CNTN1: variants seen among roughly 807,000 people sequenced by gnomAD.
CNTN1 encodes the protein contactin-1.
In CNTN1, 38 loss-of-function variants were observed where a neutral mutation model predicts 126.4. The observed-to-expected ratio is 0.30, with a 90% CI of 0.23 to 0.39. The LOEUF is 0.39. Among genes scored for constraint, CNTN1 ranks in the 10% least tolerant of loss-of-function variants. CNTN1 has a pLI of 1.00. For synonymous variants in CNTN1, 413 were observed against 422.6 expected, an observed-to-expected ratio of 0.98 and a Z score of 0.28; for missense variants, 1,009 against 1,248.4, an observed-to-expected ratio of 0.81 and a Z score of 2.89.
chr12:40,872,175 C>T (rs1425355107), intron 1 of CNTN1, among the ~76,000 whole-genome samples: 3 of 149,304 alleles, frequency 2.0e-5, no homozygotes, highest in Non-Finnish European at 4.4e-5. Flanking sequence ...AGACCTTGAG[C>T]TTAAGAGATT....
At chr12:41,037,212 A>G (rs1403649163) in intron 23 of CNTN1, among the ~76,000 whole-genome samples, 1 of 152,192 alleles carries the variant, frequency 6.6e-6, no homozygotes, top group Non-Finnish European at 1.5e-5. Flanking sequence ...AATTCTGATT[A>G]TAAAAGTTCC....
chr12:40,759,582 G>A (rs1406656097), intron 1 of CNTN1, among the ~76,000 whole-genome samples: 2 of 151,232 alleles, frequency 1.3e-5, no homozygotes, highest in Admixed American at 6.6e-5. Flanking sequence ...CCTCCCACCT[G>A]AGCATCCCAA....
intron 1 of CNTN1, among the ~76,000 whole-genome samples, chr12:40,848,320 C>T (rs903871335): frequency 6.6e-6 from 1 of 152,098 alleles, no homozygotes; most frequent in African/African-American, 2.4e-5. Context: ...GTCAAAATTC[C>T]TATAGTGTTT....
chr12:41,028,121 T>C, intron 22 of CNTN1, 152 bp downstream of exon 22: 1 of 640,210 alleles, frequency 1.6e-6, no homozygotes, highest in Non-Finnish European at 2.8e-6. Flanking sequence ...AGCCTCCACT[T>C]CCTGGGTTCA....
At chr12:40,909,162 G>A (rs932650365) in intron 2 of CNTN1, among the ~76,000 whole-genome samples, 1 of 152,100 alleles carries the variant, frequency 6.6e-6, no homozygotes. Context: ...TCTACAGTGT[G>A]TGTAGGGACA....
At chr12:41,016,530 G>A (rs2064583936) in intron 18 of CNTN1, 152 bp from the exon 19 acceptor site, 3 of 657,828 alleles carry the variant, frequency 4.6e-6, no homozygotes, top group East Asian at 2.7e-5. Context: ...GTTTAAGTAT[G>A]TTTTTCCTCT....
Position 40,944,021 on chromosome 12 carries a change from A to G in CNTN1, c.1534A>G (p.Ile512Val). ...TCCTACGCGAATTATATTGGCCCCA[A>G]TTAATGCCGATATCACAGTTGGAGA... ...TDPTRIILAP[I>V]NADITVGENA... The change falls in exon 14 of 24, where the codon ATT becomes GTT. Residue 512 changes from isoleucine (I) to valine (V), a missense_variant. Ile to Val is a conservative substitution (Grantham distance 29). Coordinates refer to ENST00000551295, the MANE Select transcript of CNTN1 (RefSeq NM_001843.4). 6.2e-7 allele frequency: 1 copy of G among 1,613,550 alleles called. No homozygotes were observed. The highest frequency in any genetic ancestry group is 8.5e-7 in the Non-Finnish European group (1 of 1,179,612).
chr12:40,696,670 G>A (rs1941459450), intron 1 of CNTN1, among the ~76,000 whole-genome samples: 1 of 152,178 alleles, frequency 6.6e-6, no homozygotes, highest in Non-Finnish European at 1.5e-5. Context: ...TGTAGCAGCA[G>A]GAGGATGGGG....
At chr12:41,053,380 T>G (rs1470955360) in intron 23 of CNTN1, among the ~76,000 whole-genome samples, 7 of 137,902 alleles carry the variant, frequency 5.1e-5, no homozygotes, top group African/African-American at 1.9e-4. Flanking sequence ...GAAAAAGTAG[T>G]TCACAGACAA....
intron 1 of CNTN1, among the ~76,000 whole-genome samples, chr12:40,794,115 A>G (rs1188192298): frequency 1.3e-5 from 2 of 152,094 alleles, no homozygotes; most frequent in Admixed American, 6.6e-5. Flanking sequence ...TAACCCTATC[A>G]TTGTACAATG....
intron 1 of CNTN1, among the ~76,000 whole-genome samples, chr12:40,715,524 A>G (rs1942027623): frequency 6.6e-6 from 1 of 152,182 alleles, no homozygotes. Context: ...TTAAAAAACA[A>G]CTAAATAGTC....
intron 23 of CNTN1, among the ~76,000 whole-genome samples, chr12:41,050,860 T>C (rs151243218): frequency 5.1e-4 from 77 of 152,276 alleles, no homozygotes; most frequent in Admixed American, 2.6e-3. Flanking sequence ...TTACATATTA[T>C]TTTTCCAAGT....
rs150012918 is a variant in CNTN1, at chr12:40,776,612, C to A, written c.-77+84020C>A. Among the ~76,000 whole-genome samples, 421 of 151,798 alleles carry A rather than the reference C, an allele frequency of 2.8e-3. 2 individuals carry two copies. Among genetic ancestry groups the A allele is most frequent in the African/African-American group, 9.0e-3 (373 of 41,492 alleles). Reference sequence around the variant, plus strand: ...AAACAAACAGGAAACAAACAAAAATCTTTCTCTATCCCTACTTCCTTCTTT... The same window carrying A: ...AAACAAACAGGAAACAAACAAAAATATTTCTCTATCCCTACTTCCTTCTTT... On this transcript the variant is annotated intron_variant, in intron 1 of 23. Coordinates refer to ENST00000551295, the MANE Select transcript of CNTN1 (RefSeq NM_001843.4).
chr12:40,708,754 G>A (rs1408675242), intron 1 of CNTN1, among the ~76,000 whole-genome samples: 1 of 152,192 alleles, frequency 6.6e-6, no homozygotes, highest in African/African-American at 2.4e-5. Context: ...GCATCTTCAA[G>A]AGGAGGAGAT....
intron 1 of CNTN1, among the ~76,000 whole-genome samples, chr12:40,704,787 A>T (rs1941696363): frequency 6.6e-6 from 1 of 152,306 alleles, no homozygotes; most frequent in African/African-American, 2.4e-5. Flanking sequence ...ATAAAATGCT[A>T]TTCCCTGGAA....
At chr12:41,069,864 G>A in intron 23 of CNTN1, 95 bp from the exon 24 acceptor site, 1 of 942,508 alleles carries the variant, frequency 1.1e-6, no homozygotes, top group South Asian at 1.3e-5. Flanking sequence ...TTGTTTTCCA[G>A]GGCTATGCAA....
At chr12:40,790,913 G>A (rs1378581609) in intron 1 of CNTN1, among the ~76,000 whole-genome samples, 1 of 152,070 alleles carries the variant, frequency 6.6e-6, no homozygotes, top group Admixed American at 6.6e-5. Context: ...TAAGGTCTGG[G>A]CTTTTATTCT....
At chr12:40,850,911 GTGTT>G (rs971577508) in intron 1 of CNTN1, among the ~76,000 whole-genome samples, 33 of 152,154 alleles carry the variant, frequency 2.2e-4, no homozygotes, top group African/African-American at 7.7e-4. Flanking sequence ...GGCATAAATG[GTGTT>G]TGTTTGGCAT....
chr12:40,868,670 G>T (rs1179853574), intron 1 of CNTN1, among the ~76,000 whole-genome samples: 1 of 151,944 alleles, frequency 6.6e-6, no homozygotes, highest in East Asian at 1.9e-4. Flanking sequence ...GCTCCCTCTG[G>T]GTGATAGGTT....
Sources: gnomAD v4.1 joint callset for allele counts (sites outside exome capture counted in the v4.1 genomes callset) on GRCh38, gnomAD v4.1.1 for gene constraint, MANE v1.5 for transcripts, NCBI Gene and HGNC (gene_info 2026-07-23, HGNC 2026-07-21) for gene names.